SCGN: variants seen among roughly 807,000 people sequenced by gnomAD.
SCGN encodes secretagogin, EF-hand calcium binding protein.
A neutral mutation model predicts 39.7 loss-of-function variants in SCGN; 30 were observed. The observed-to-expected ratio is 0.76, with a 90% CI of 0.57 to 1.03. The LOEUF is 1.03. Ranked by LOEUF, SCGN falls within the 50% of genes least tolerant of loss-of-function variation. The pLI is 0.00. For missense variants in SCGN, 353 were observed against 349.4 expected (o/e 1.01, Z -0.08); for synonymous variants, 106 against 114.1 (o/e 0.93, Z 0.45).
Position 25,688,996 on chromosome 6 carries a change from C to T in SCGN, c.528-176C>T, listed in dbSNP as rs118095452. Among the ~76,000 whole-genome samples, 101 of 152,232 alleles carry T rather than the reference C, an allele frequency of 6.6e-4. 2 individuals are homozygous for T. The East Asian group carries it at 0.017, about 26-fold the overall frequency. ...AAAAGTCTATGGTGACTACTAATCT[C>T]TACGAGTTTTTCCCAATTAATTTCT... On this transcript the variant is annotated intron_variant, in intron 7 of 10. Transcript: ENST00000377961.
chr6:25,698,883 T>C (rs1395190683), intron 10 of SCGN, among the ~76,000 whole-genome samples: 1 of 152,208 alleles, frequency 6.6e-6, no homozygotes, highest in Non-Finnish European at 1.5e-5. Context: ...TTTCTGTTGC[T>C]CTTTCCTCCT....
chr6:25,689,589 C>T (rs2151382451), intron 9 of SCGN, 57 bp downstream of exon 9: 1 of 1,428,736 alleles, frequency 7.0e-7, no homozygotes, highest in East Asian at 2.3e-5. Flanking sequence ...CTTATTTAAC[C>T]CCTATGTGGA....
chr6:25,681,006 G>GAT (rs1352529759), intron 6 of SCGN, among the ~76,000 whole-genome samples: 1 of 152,172 alleles, frequency 6.6e-6, no homozygotes, highest in African/African-American at 2.4e-5. Context: ...TATGCTTAGA[G>GAT]ATATTCTGTA....
At chr6:25,661,467 C>T (rs1452210745) in intron 2 of SCGN, 85 bp from the exon 3 acceptor site, 15 of 904,352 alleles carry the variant, frequency 1.7e-5, no homozygotes, top group East Asian at 2.5e-5. Context: ...ATAATTTTCA[C>T]GCTGTATATT....
intron 3 of SCGN, among the ~76,000 whole-genome samples, chr6:25,663,265 G>A (rs1760370776): frequency 6.6e-6 from 1 of 152,144 alleles, no homozygotes; most frequent in Admixed American, 6.5e-5. Flanking sequence ...TTTGACTCAT[G>A]TTGGATTTTC....
At chr6:25,678,014 A>C (rs544579039) in intron 6 of SCGN, among the ~76,000 whole-genome samples, 1 of 152,364 alleles carries the variant, frequency 6.6e-6, no homozygotes, top group East Asian at 1.9e-4. Flanking sequence ...TATTCAATCT[A>C]AGGAGAATTC....
intron 7 of SCGN, among the ~76,000 whole-genome samples, chr6:25,688,157 G>A (rs1008285943): frequency 5.3e-5 from 8 of 152,054 alleles, no homozygotes; most frequent in African/African-American, 9.7e-5. Flanking sequence ...TATATTTACC[G>A]CTCCTGGTGC....
intron 1 of SCGN, 109 bp from the exon 2 acceptor site, chr6:25,653,273 A>T: frequency 1.3e-6 from 1 of 746,330 alleles, no homozygotes; most frequent in Non-Finnish European, 2.2e-6. Context: ...AACAAAAAAT[A>T]GTGTTGAGGG....
chr6:25,664,501 A>G (rs1277001548), intron 3 of SCGN, among the ~76,000 whole-genome samples: 1 of 152,246 alleles, frequency 6.6e-6, no homozygotes, highest in Non-Finnish European at 1.5e-5. Flanking sequence ...GATTGTCATT[A>G]GGATTAAATG....
chr6:25,683,364 T>C (rs188345154), intron 7 of SCGN, among the ~76,000 whole-genome samples: 1 of 152,240 alleles, frequency 6.6e-6, no homozygotes, highest in Admixed American at 6.5e-5. Flanking sequence ...AATCTCATGG[T>C]TCCCTTCACC....
chr6:25,670,625 A>T (rs1293678436), intron 6 of SCGN, among the ~76,000 whole-genome samples: 2 of 152,232 alleles, frequency 1.3e-5, no homozygotes, highest in African/African-American at 2.4e-5. Flanking sequence ...TGTGAGGGAA[A>T]ATGTGTTAAT....
intron 6 of SCGN, among the ~76,000 whole-genome samples, chr6:25,680,432 A>G (rs1433889343): frequency 6.6e-6 from 1 of 152,174 alleles, no homozygotes; most frequent in Non-Finnish European, 1.5e-5. Context: ...CCTGATTCTT[A>G]TTCTTACGTG....
intron 10 of SCGN, among the ~76,000 whole-genome samples, chr6:25,692,589 C>G (rs550994515): frequency 7.2e-5 from 11 of 152,298 alleles, no homozygotes; most frequent in Admixed American, 3.3e-4. Context: ...CTTTGCTCCC[C>G]CTTTTCTTTA....
chr6:25,664,589 G>A (rs1000878042), intron 3 of SCGN, among the ~76,000 whole-genome samples: 5 of 152,124 alleles, frequency 3.3e-5, no homozygotes, highest in African/African-American at 1.2e-4. Context: ...CTGTTATTAT[G>A]GAATTAAATT....
intron 4 of SCGN, among the ~76,000 whole-genome samples, chr6:25,668,173 A>G (rs1441314173): frequency 6.6e-6 from 1 of 152,092 alleles, no homozygotes; most frequent in Non-Finnish European, 1.5e-5. Context: ...TTGGTAACAC[A>G]GAACACAGTC....
chr6:25,668,767 T>A (rs1014243204), intron 4 of SCGN, among the ~76,000 whole-genome samples: 7 of 152,202 alleles, frequency 4.6e-5, no homozygotes, highest in Non-Finnish European at 8.8e-5. Flanking sequence ...TTTCCCATCA[T>A]GTCGGGTCTC....
intron 7 of SCGN, among the ~76,000 whole-genome samples, chr6:25,682,446 G>A (rs1480068956): frequency 1.3e-5 from 2 of 152,188 alleles, no homozygotes; most frequent in African/African-American, 4.8e-5. Flanking sequence ...GGCACCAAGT[G>A]TCTGAAGGCT....
intron 10 of SCGN, among the ~76,000 whole-genome samples, chr6:25,696,901 G>A (rs1226489920): frequency 1.3e-5 from 2 of 152,114 alleles, no homozygotes; most frequent in Non-Finnish European, 2.9e-5. Flanking sequence ...TGAAAAGAGA[G>A]GATAGGTGGC....
In SCGN at chr6:25,669,568, G is replaced by C. The variant is rs779294974; in HGVS notation, c.393+1G>C. 5.6e-6 allele frequency: 9 copies of C among 1,612,194 alleles called. No homozygotes were observed. The Admixed American group carries it at 1.2e-4, about 21-fold the overall frequency. On this transcript the variant is annotated splice_donor_variant, in intron 5 of 10. Coordinates refer to ENST00000377961, the MANE Select transcript of SCGN (RefSeq NM_006998.4). LOFTEE classifies it high-confidence loss of function. ...CTTTATATCAGCTGCTGAGCTCCGCGTGAGTGTCACTGGGTGAAGGGTGGG... is the reference window on the plus strand; with the variant it reads ...CTTTATATCAGCTGCTGAGCTCCGCCTGAGTGTCACTGGGTGAAGGGTGGG...
Sources: gnomAD v4.1 joint callset for allele counts (sites outside exome capture counted in the v4.1 genomes callset) on GRCh38, gnomAD v4.1.1 for gene constraint, MANE v1.5 for transcripts, NCBI Gene and HGNC (gene_info 2026-07-23, HGNC 2026-07-21) for gene names.